The following FETUB variants were observed in gnomAD, a reference collection of about 807,000 sequenced individuals.
FETUB encodes the protein fetuin-B.
Under a neutral mutation model 30.9 loss-of-function variants are expected in FETUB, and 28 were observed. The ratio of observed to expected loss-of-function variants is 0.90; its 90% CI spans 0.67 to 1.24. The LOEUF is 1.24. Ranked by LOEUF, FETUB falls within the 50% of genes most tolerant of loss-of-function variation. The pLI is 0.00. For synonymous variants in FETUB, 186 were observed against 175.9 expected, an observed-to-expected ratio of 1.06 and a Z score of -0.45; for missense variants, 469 against 455.3, an observed-to-expected ratio of 1.03 and a Z score of -0.27.
upstream of FETUB, among the ~76,000 whole-genome samples, chr3:186,639,252 C>A (rs935748865): frequency 2.0e-5 from 3 of 152,172 alleles, no homozygotes; most frequent in African/African-American, 7.2e-5. Flanking sequence ...AACTCACTTT[C>A]AAGATAATGG....
rs114448472 is a variant in FETUB at position 186,651,352 on chromosome 3, G to A, written c.780+51G>A. 1.6e-3 allele frequency: 1,880 copies of A among 1,177,262 alleles called. 19 individuals carry two copies. In the African/African-American group the frequency reaches 0.026, roughly 16 times the overall value. The allele number at this position is 1,177,262 out of a possible 1,614,324, so 72.9% of individuals were successfully genotyped here. ...TTTCTGTGAAGAAGAGCAGATTATC[G>A]ATAGTTACCTGCCACTACCTTACCC... On this transcript the variant is annotated intron_variant, in intron 6 of 6. Coordinates refer to ENST00000265029, the MANE Select transcript of FETUB (RefSeq NM_014375.3).
chr3:186,640,975 T>C (rs945226659), intron 1 of FETUB, 55 bp from the exon 2 acceptor site: 6 of 1,169,988 alleles, frequency 5.1e-6, no homozygotes, highest in African/African-American at 4.6e-5. Context: ...TGTGTGGTCT[T>C]TCTAGGTTTC....
At position 186,642,550 on chromosome 3, in the gene FETUB, T is replaced by C; in HGVS notation, c.416T>C (p.Leu139Pro). 1 of 1,585,628 alleles carries C rather than the reference T, an allele frequency of 6.3e-7. No individual in the cohort carries two copies. The highest frequency in any genetic ancestry group is 8.7e-7 in the Non-Finnish European group (1 of 1,155,784). ...TATTTAGCTGCTTATAACTGTACTC[T>C]TCGCCCAGGTAAGAAATCACTACGA... is the stretch of plus-strand genomic sequence containing the variant. Reference protein sequence around the residue: ...VLYLAAYNCTLRPVSKKKIYM... With the variant: ...VLYLAAYNCTPRPVSKKKIYM... Residue 139 changes from leucine to proline, a missense_variant, in exon 3 of 7, where the codon CTT becomes CCT. Coordinates refer to ENST00000265029, the MANE Select transcript of FETUB (RefSeq NM_014375.3).
At chr3:186,637,209 G>A (rs1287249166), upstream of FETUB, among the ~76,000 whole-genome samples, 1 of 152,138 alleles carries the variant, frequency 6.6e-6, no homozygotes, top group Non-Finnish European at 1.5e-5. Context: ...TATAGTGCCG[G>A]GCTTTGGCAG....
intron 5 of FETUB, 91 bp downstream of exon 5, chr3:186,646,440 G>A: frequency 1.1e-6 from 1 of 932,892 alleles, no homozygotes; most frequent in Non-Finnish European, 1.7e-6. Flanking sequence ...GGTGTCATAA[G>A]GCATGAGATG....
chr3:186,642,371 C>G, intron 2 of FETUB, 100 bp from the exon 3 acceptor site: 1 of 729,324 alleles, frequency 1.4e-6, no homozygotes, highest in Non-Finnish European at 2.4e-6. Context: ...TCTTAAGTTT[C>G]TAACTACTTT....
chr3:186,642,181 G>A (rs1361653277), intron 2 of FETUB: 1 of 327,208 alleles, frequency 3.1e-6, no homozygotes, highest in South Asian at 3.6e-5. Flanking sequence ...AGACCCTTAT[G>A]AGCCAGATCT....
upstream of FETUB, among the ~76,000 whole-genome samples, chr3:186,638,699 A>G (rs1716847974): frequency 6.6e-6 from 1 of 152,152 alleles, no homozygotes; most frequent in Admixed American, 6.6e-5. Flanking sequence ...AGTTGCACTC[A>G]TGGCCTTCAC....
chr3:186,638,067 T>G (rs1172186901), upstream of FETUB, among the ~76,000 whole-genome samples: 2 of 152,236 alleles, frequency 1.3e-5, no homozygotes, highest in African/African-American at 4.8e-5. Flanking sequence ...TTATAATATT[T>G]TGGATTGACA....
chr3:186,636,473 G>A (rs1357388107), upstream of FETUB, among the ~76,000 whole-genome samples: 1 of 152,160 alleles, frequency 6.6e-6, no homozygotes, highest in African/African-American at 2.4e-5. Context: ...ACCGCCATAG[G>A]GATTTGTGGA....
upstream of FETUB, among the ~76,000 whole-genome samples, chr3:186,638,244 C>G (rs942381983): frequency 2.6e-5 from 4 of 152,202 alleles, no homozygotes; most frequent in East Asian, 5.8e-4. Context: ...TTGTTCTTCA[C>G]TCCTGAGCAG....
chr3:186,645,570 C>T (rs1399469720), intron 4 of FETUB, among the ~76,000 whole-genome samples: 2 of 152,018 alleles, frequency 1.3e-5, no homozygotes, highest in Non-Finnish European at 2.9e-5. Context: ...CAAAACAATC[C>T]ACCCGCCTTG....
At chr3:186,638,947 C>T (rs1716858435), upstream of FETUB, among the ~76,000 whole-genome samples, 1 of 152,226 alleles carries the variant, frequency 6.6e-6, no homozygotes, top group African/African-American at 2.4e-5. Context: ...AGCCCACATC[C>T]ACAGAGCTGG....
rs551865573 is a variant in FETUB at position 186,652,501 on chromosome 3, A to C, written c.1019A>C (p.Asp340Ala). The C allele has an allele frequency of 2.9e-5, 47 of 1,614,176 alleles. No homozygotes were observed. Among genetic ancestry groups the C allele is most frequent in the South Asian group, 2.0e-4 (18 of 91,080 alleles). The change falls in exon 7 of 7, where the codon GAT (aspartate) becomes GCT (alanine). Residue 340 changes from aspartate to alanine, a missense_variant. Asp to Ala is a moderately radical substitution (Grantham distance 126). Transcript: ENST00000265029. Reference protein sequence around the residue: ...LTTNPQGETLDISFLFLEPME... With the variant: ...LTTNPQGETLAISFLFLEPME... ...ACGAATCCCCAGGGAGAAACCCTGG[A>C]TATTTCCTTCCTCTTCCTGGAGCCT...
At chr3:186,647,424 A>C (rs965070632) in intron 5 of FETUB, among the ~76,000 whole-genome samples, 3 of 152,172 alleles carry the variant, frequency 2.0e-5, no homozygotes, top group Admixed American at 6.5e-5. Context: ...ACTGTTTTCC[A>C]CTGTGAATGC....
Position 186,641,253 on chromosome 3 carries a change from A to G in FETUB, c.336+113A>G, listed in dbSNP as rs2108515995. The G allele has an allele frequency of 5.9e-6, 4 of 677,818 alleles. No individual in the cohort carries two copies. The Middle Eastern group carries it at 1.1e-3, about 188-fold the overall frequency. The allele number at this position is 677,818 out of a possible 1,614,324, so 42.0% of individuals were successfully genotyped here. A position where few individuals can be genotyped will look rare whatever the true frequency, so the allele number is the denominator to read the frequency against. The stretch of plus-strand genomic sequence containing the variant: ...TGTCATCTTTTAAATGGCCCACTTT[A>G]TAATCTCCTGGCAGGTGCCCATAAG... On this transcript the variant is annotated intron_variant, in intron 2 of 6. Transcript: ENST00000265029.
chr3:186,651,728 A>G (rs1279338947), intron 6 of FETUB: 2 of 194,768 alleles, frequency 1.0e-5, no homozygotes, highest in African/African-American at 4.7e-5. Context: ...TGTGCCTGGT[A>G]TATTTGAAGC....
intron 4 of FETUB, among the ~76,000 whole-genome samples, chr3:186,645,449 T>C (rs147689204): frequency 7.2e-5 from 11 of 152,230 alleles, no homozygotes; most frequent in Non-Finnish European, 1.5e-4. Flanking sequence ...TACCTCAGCC[T>C]CTCAAGTAGC....
chr3:186,640,360 G>C, upstream of FETUB: 1 of 876,200 alleles, frequency 1.1e-6, no homozygotes, highest in Non-Finnish European at 1.9e-6. Flanking sequence ...AGCCCTTCCA[G>C]TTGTAACAAA....
Sources: allele counts gnomAD v4.1 joint callset (sites outside exome capture counted in the v4.1 genomes callset), GRCh38; gene constraint gnomAD v4.1.1; transcripts MANE v1.5; gene names NCBI Gene and HGNC (gene_info 2026-07-23, HGNC 2026-07-21).